The following AGK variants were observed in gnomAD, a reference collection of about 807,000 sequenced individuals.
AGK encodes the protein acylglycerol kinase, mitochondrial.
AGK carries 52 observed loss-of-function variants against 66.4 expected under a neutral mutation model. The observed-to-expected ratio is 0.78, with a 90% CI of 0.63 to 0.99. AGK has a LOEUF of 0.99. Ranked by LOEUF, AGK falls within the 50% of genes least tolerant of loss-of-function variation. The pLI, the probability that AGK is intolerant of heterozygous loss-of-function variation, is 0.00. For missense variants in AGK, 451 were observed against 506.6 expected (o/e 0.89, Z 1.05); for synonymous variants, 182 against 181.1 (o/e 1.00, Z -0.04).
chr7:141,632,741 C>T lies in AGK; in HGVS notation c.589-1160C>T, dbSNP rs574013730. On this transcript the variant is annotated intron_variant, in intron 9 of 15. Transcript: ENST00000649286. ...CTCCTTTTTTCTCTGCCATTTCTCT[C>T]TGGTTCCCTTGTCCCTTACTAAAGC... Among the ~76,000 whole-genome samples the T allele has an allele frequency of 8.4e-4, 128 of 152,356 alleles. 1 individual carries two copies. The highest frequency in any genetic ancestry group is 1.1e-3 in the Non-Finnish European group (72 of 68,044).
At chr7:141,622,150 G>A (rs1260954763) in intron 9 of AGK, among the ~76,000 whole-genome samples, 1 of 151,480 alleles carries the variant, frequency 6.6e-6, no homozygotes, top group Non-Finnish European at 1.5e-5. Flanking sequence ...GAGTGCAGTG[G>A]CACAATCTCA....
intron 13 of AGK, among the ~76,000 whole-genome samples, chr7:141,647,471 C>T (rs956474119): frequency 2.0e-5 from 3 of 152,194 alleles, no homozygotes; most frequent in African/African-American, 7.2e-5. Context: ...CCCAGCACCA[C>T]CTGAAGGCCT....
intron 5 of AGK, among the ~76,000 whole-genome samples, chr7:141,607,909 A>ATAT: frequency 6.6e-6 from 1 of 152,230 alleles, no homozygotes; most frequent in African/African-American, 2.4e-5. Context: ...AGCCTCAAAT[A>ATAT]TATTAATATT....
rs1797636123 is a variant in AGK, at chr7:141,654,279, A to T, written c.*1355A>T. On this transcript the variant is annotated 3_prime_UTR_variant, in exon 16 of 16. Transcript: ENST00000649286. ...TTTTTATTAGAATGTTCTTTATCCTAATTAGTTCATTTATCCAAGAATACA... is the reference window on the plus strand; with the variant it reads ...TTTTTATTAGAATGTTCTTTATCCTTATTAGTTCATTTATCCAAGAATACA... 1 of 152,134 alleles carries T rather than the reference A, an allele frequency of 6.6e-6. No individual in the cohort carries two copies. The allele number at this position is 152,134 out of a possible 1,614,324, so 9.4% of individuals were successfully genotyped here.
At chr7:141,618,488 A>G (rs1363703674) in intron 8 of AGK, among the ~76,000 whole-genome samples, 1 of 152,210 alleles carries the variant, frequency 6.6e-6, no homozygotes, top group East Asian at 1.9e-4. Context: ...AGTGGACTTT[A>G]TTCATATTTA....
intron 14 of AGK, among the ~76,000 whole-genome samples, chr7:141,649,670 A>G (rs1797508361): frequency 6.6e-6 from 1 of 152,206 alleles, no homozygotes; most frequent in Non-Finnish European, 1.5e-5. Flanking sequence ...CGACGTCATG[A>G]CTCGGATCAT....
At position 141,652,774 on chromosome 7, in the gene AGK, C is replaced by T. The variant is rs1017289236; in HGVS notation, c.1132-13C>T. ...ATGTGTTTGAGCTGTTCTGAATATT[C>T]TCTTCTCCCCAGGGAGCAGGGGGCT... On this transcript the variant is annotated splice_polypyrimidine_tract_variant and intron_variant, in intron 15 of 15. Coordinates refer to ENST00000649286, the MANE Select transcript of AGK (RefSeq NM_018238.4). The T allele has an allele frequency of 6.2e-7, 1 of 1,612,304 alleles. No individual in the cohort carries two copies. Among genetic ancestry groups the T allele is most frequent in the Non-Finnish European group, 8.5e-7 (1 of 1,179,850 alleles).
intron 2 of AGK, among the ~76,000 whole-genome samples, chr7:141,558,894 T>C (rs1358239771): frequency 6.6e-6 from 1 of 152,238 alleles, no homozygotes; most frequent in Non-Finnish European, 1.5e-5. Flanking sequence ...TCAAGCATCT[T>C]TTCACATGCA....
intron 4 of AGK, 151 bp downstream of exon 4, chr7:141,596,792 C>A: frequency 1.5e-6 from 1 of 647,392 alleles, no homozygotes; most frequent in Non-Finnish European, 2.7e-6. Context: ...GTAGAAATAA[C>A]AGTTAAATGA....
chr7:141,564,907 A>T (rs1316935184), intron 2 of AGK, among the ~76,000 whole-genome samples: 1 of 151,948 alleles, frequency 6.6e-6, no homozygotes, highest in African/African-American at 2.4e-5. Context: ...TTTTGTATTT[A>T]GTAGGGACGG....
rs1375147585 is a variant in AGK at position 141,653,898 on chromosome 7, C to T, written c.*974C>T. 5 of 152,310 alleles carry T rather than the reference C, an allele frequency of 3.3e-5. No homozygotes were observed. Among genetic ancestry groups the T allele is most frequent in the Admixed American group, 1.3e-4 (2 of 15,306 alleles). 9.4% of individuals were successfully genotyped at this position (152,310 alleles called of 1,614,324 possible). A position where few individuals can be genotyped will look rare whatever the true frequency, so the allele number is the denominator to read the frequency against. Reference sequence around the variant, plus strand: ...TTTTAAAATAAAAACTGTTACATCACTATTTTAAACATATCCAGTACAATT... The same window carrying T: ...TTTTAAAATAAAAACTGTTACATCATTATTTTAAACATATCCAGTACAATT... On this transcript the variant is annotated 3_prime_UTR_variant, in exon 16 of 16. Coordinates refer to ENST00000649286, the MANE Select transcript of AGK (RefSeq NM_018238.4).
chr7:141,599,078 C>T (rs1212301694), intron 4 of AGK: 1 of 152,154 alleles, frequency 6.6e-6, no homozygotes, highest in African/African-American at 2.4e-5. Flanking sequence ...AGAATCCCTG[C>T]GTGCTTCTGG....
intron 2 of AGK, among the ~76,000 whole-genome samples, chr7:141,561,750 G>C (rs1297016122): frequency 6.6e-6 from 1 of 151,968 alleles, no homozygotes; most frequent in African/African-American, 2.4e-5. Context: ...TTTCCCTACT[G>C]TGTCCAGTGC....
At chr7:141,596,750 G>C (rs1796235948) in intron 4 of AGK, 109 bp downstream of exon 4, 1 of 890,594 alleles carries the variant, frequency 1.1e-6, no homozygotes, top group East Asian at 2.5e-5. Context: ...ACTAGGTTTA[G>C]TACTCTTCTA....
intron 3 of AGK, chr7:141,594,039 G>C (rs1796179044): frequency 6.6e-6 from 1 of 152,236 alleles, no homozygotes; most frequent in Admixed American, 6.5e-5. Context: ...AGTTGTTACA[G>C]TATATACTAT....
chr7:141,623,138 G>T (rs1320734016), intron 9 of AGK, among the ~76,000 whole-genome samples: 1 of 152,104 alleles, frequency 6.6e-6, no homozygotes, highest in Non-Finnish European at 1.5e-5. Context: ...CCAGCAGTTT[G>T]GGAGGCCGAG....
chr7:141,574,517 T>C (rs1795689342), intron 2 of AGK, among the ~76,000 whole-genome samples: 1 of 152,236 alleles, frequency 6.6e-6, no homozygotes, highest in Non-Finnish European at 1.5e-5. Context: ...AAGTGAGCTA[T>C]GAAGACAGGC....
At chr7:141,566,009 T>G (rs1038150688) in intron 2 of AGK, among the ~76,000 whole-genome samples, 9 of 152,248 alleles carry the variant, frequency 5.9e-5, no homozygotes, top group African/African-American at 1.4e-4. Context: ...TGCCACATTT[T>G]ATACTTTAAC....
At chr7:141,583,494 G>A (rs530154112) in intron 2 of AGK, among the ~76,000 whole-genome samples, 4 of 144,766 alleles carry the variant, frequency 2.8e-5, no homozygotes, top group South Asian at 2.2e-4. Context: ...AGGGGTGGGC[G>A]GTGCTTGCCC....
Sources: gnomAD v4.1 joint callset for allele counts (sites outside exome capture counted in the v4.1 genomes callset) on GRCh38, gnomAD v4.1.1 for gene constraint, MANE v1.5 for transcripts, NCBI Gene and HGNC (gene_info 2026-07-23, HGNC 2026-07-21) for gene names.